The following SHANK2 variants were observed in gnomAD, a reference collection of about 807,000 sequenced individuals.
The protein encoded by SHANK2 is SH3 and multiple ankyrin repeat domains protein 2.
In SHANK2, 43 loss-of-function variants were observed where a neutral mutation model predicts 133.7. That is an observed-to-expected ratio of 0.32 (90% CI 0.25 to 0.41). SHANK2 has a LOEUF of 0.41. SHANK2 is among the 10% of genes least tolerant of loss of function. SHANK2 has a pLI of 1.00. For missense variants in SHANK2, 1,994 were observed against 2,235.8 expected (o/e 0.89, Z 2.18); for synonymous variants, 1,017 against 952.8 (o/e 1.07, Z -1.24).
At chr11:70,906,960 G>A (rs1354533566) in intron 10 of SHANK2, among the ~76,000 whole-genome samples, 1 of 152,224 alleles carries the variant, frequency 6.6e-6, no homozygotes, top group Non-Finnish European at 1.5e-5. Flanking sequence ...CAGGGCCAGG[G>A]CCTTTGCAAA....
intron 17 of SHANK2, among the ~76,000 whole-genome samples, chr11:70,618,035 C>T (rs1464522268): frequency 1.3e-5 from 2 of 152,056 alleles, no homozygotes; most frequent in Non-Finnish European, 2.9e-5. Context: ...CAGTGGCTCA[C>T]GCTTGGAATC....
intron 10 of SHANK2, among the ~76,000 whole-genome samples, chr11:70,921,828 A>ACATTACCTAG (rs1950355694): frequency 6.6e-6 from 1 of 152,228 alleles, no homozygotes; most frequent in East Asian, 1.9e-4. Flanking sequence ...AAAGAAAATA[A>ACATTACCTAG]CATTACCTAG....
intron 14 of SHANK2, among the ~76,000 whole-genome samples, chr11:70,776,446 G>A (rs981986547): frequency 2.6e-5 from 4 of 152,150 alleles, no homozygotes; most frequent in Middle Eastern, 3.2e-3. Flanking sequence ...CCAAAGACTC[G>A]AAGACAACCT....
chr11:70,696,134 G>A (rs1460584470), intron 15 of SHANK2, among the ~76,000 whole-genome samples: 1 of 152,198 alleles, frequency 6.6e-6, no homozygotes, highest in Non-Finnish European at 1.5e-5. Flanking sequence ...ATTCTGGCAA[G>A]AGAATCCTCA....
At chr11:70,741,231 GCATCCATCCATC>G (rs61208287) in intron 14 of SHANK2, among the ~76,000 whole-genome samples, 112 of 143,312 alleles carry the variant, frequency 7.8e-4, no homozygotes, top group African/African-American at 1.1e-3. Context: ...ATTTAACCAT[GCATCCATCCATC>G]CATCCATCCA....
intron 17 of SHANK2, among the ~76,000 whole-genome samples, chr11:70,525,273 T>C (rs1256199809): frequency 6.6e-6 from 1 of 152,234 alleles, no homozygotes; most frequent in Non-Finnish European, 1.5e-5. Context: ...CCACGGTGTA[T>C]ACCTTGCCCA....
intron 11 of SHANK2, among the ~76,000 whole-genome samples, chr11:70,823,555 G>A (rs1948586284): frequency 6.9e-6 from 1 of 145,778 alleles, no homozygotes; most frequent in Non-Finnish European, 1.5e-5. Context: ...AGGGACAGAG[G>A]TGGCGCTGGC....
chr11:70,792,380 C>T (rs1947811967), intron 14 of SHANK2, among the ~76,000 whole-genome samples: 1 of 142,088 alleles, frequency 7.0e-6, no homozygotes, highest in Non-Finnish European at 1.5e-5. Context: ...ACCAACCAAC[C>T]AACCAGCCAA....
In SHANK2 at chr11:71,073,861, A is replaced by C. The variant is rs1951182694; in HGVS notation, c.1029+1298T>G. ...TGTCCGCCACGTCCTTCCCCATCTC[A>C]TGACTCTGATCTGCCCCTCTCCATG... is the stretch of plus-strand genomic sequence containing the variant. On this transcript the variant is annotated intron_variant, in intron 9 of 25. Coordinates refer to ENST00000601538, the MANE Select transcript of SHANK2 (RefSeq NM_012309.5). Among the ~76,000 whole-genome samples, 5 of 152,238 alleles carry C rather than the reference A, an allele frequency of 3.3e-5. No individual in the cohort carries two copies. The East Asian group carries it at 5.8e-4, about 18-fold the overall frequency.
intron 17 of SHANK2, among the ~76,000 whole-genome samples, chr11:70,551,594 T>C (rs2136084281): frequency 6.6e-6 from 1 of 152,344 alleles, no homozygotes; most frequent in East Asian, 1.9e-4. Context: ...CAGTGGTTTT[T>C]TTCACTCAAA....
chr11:70,941,118 G>A (rs75477288), intron 10 of SHANK2, among the ~76,000 whole-genome samples: 10,180 of 152,152 alleles, frequency 0.067, 735 homozygotes, highest in African/African-American at 0.18. Flanking sequence ...CGGTAAAATT[G>A]GTTCATAATA....
chr11:70,729,874 A>G (rs1946249401), intron 14 of SHANK2, among the ~76,000 whole-genome samples: 1 of 148,370 alleles, frequency 6.7e-6, no homozygotes, highest in Non-Finnish European at 1.5e-5. Flanking sequence ...CTGGCGTTTG[A>G]GAATGATATC....
At chr11:70,711,907 C>T (rs1319075715) in intron 14 of SHANK2, among the ~76,000 whole-genome samples, 1 of 152,206 alleles carries the variant, frequency 6.6e-6, no homozygotes, top group African/African-American at 2.4e-5. Flanking sequence ...GCACACGTCA[C>T]AGCACACGGA....
At chr11:70,549,376 C>A (rs1351926796) in intron 17 of SHANK2, among the ~76,000 whole-genome samples, 1 of 152,202 alleles carries the variant, frequency 6.6e-6, no homozygotes, top group African/African-American at 2.4e-5. Flanking sequence ...CACACTGGTC[C>A]CCCTAGTGAA....
At chr11:70,866,889 G>C (rs1949367900) in intron 11 of SHANK2, among the ~76,000 whole-genome samples, 1 of 152,002 alleles carries the variant, frequency 6.6e-6, no homozygotes, top group African/African-American at 2.4e-5. Context: ...GGCCCTCGCT[G>C]GTCTTGAGAG....
At chr11:71,144,807 T>C (rs1266412062) in intron 3 of SHANK2, among the ~76,000 whole-genome samples, 1 of 152,238 alleles carries the variant, frequency 6.6e-6, no homozygotes, top group East Asian at 1.9e-4. Context: ...ACCATCTTTT[T>C]CTCCTCTTAT....
chr11:71,206,601 A>C (rs1049952554), intron 2 of SHANK2, among the ~76,000 whole-genome samples: 1 of 152,130 alleles, frequency 6.6e-6, no homozygotes, highest in Non-Finnish European at 1.5e-5. Flanking sequence ...CCAAAAAACT[A>C]GCTTGCTACC....
intron 1 of SHANK2, among the ~76,000 whole-genome samples, chr11:71,231,525 A>G (rs1954741372): frequency 6.6e-6 from 1 of 152,234 alleles, no homozygotes; most frequent in Non-Finnish European, 1.5e-5. Flanking sequence ...TTCCTTAAAA[A>G]CCTAAATATG....
At chr11:70,513,732 A>C (rs1178069174) in intron 17 of SHANK2, among the ~76,000 whole-genome samples, 1 of 152,274 alleles carries the variant, frequency 6.6e-6, no homozygotes, top group Non-Finnish European at 1.5e-5. Context: ...TTAGAAATGC[A>C]TCAGCTGGGC....
Sources: gnomAD v4.1 joint callset for allele counts (sites outside exome capture counted in the v4.1 genomes callset) on GRCh38, gnomAD v4.1.1 for gene constraint, MANE v1.5 for transcripts, NCBI Gene and HGNC (gene_info 2026-07-23, HGNC 2026-07-21) for gene names.